Variants in MAP3K10 observed in about 807,000 individuals in gnomAD.
MAP3K10 encodes MKN28 derived nonreceptor_type serine/threonine kinase.
In MAP3K10, 22 loss-of-function variants were observed where a neutral mutation model predicts 75.0. That is an observed-to-expected ratio of 0.29 (90% CI 0.21 to 0.42). The LOEUF is 0.42. MAP3K10 is among the 10% of genes least tolerant of loss of function. MAP3K10 has a pLI of 1.00. For synonymous variants in MAP3K10, 599 were observed against 612.9 expected, an observed-to-expected ratio of 0.98 and a Z score of 0.34; for missense variants, 1,165 against 1,379.8, an observed-to-expected ratio of 0.84 and a Z score of 2.47.
intron 5 of MAP3K10, among the ~76,000 whole-genome samples, chr19:40,208,732 C>T (rs1973181427): frequency 6.6e-6 from 1 of 151,620 alleles, no homozygotes; most frequent in African/African-American, 2.4e-5. Flanking sequence ...CTCCAATTCC[C>T]CCATTGCACA....
chr19:40,205,656 G>T lies in MAP3K10; in HGVS notation c.1189-255G>T, dbSNP rs545840247. 2 of 517,076 alleles carry T rather than the reference G, an allele frequency of 3.9e-6. No homozygotes were observed. Among genetic ancestry groups the T allele is most frequent in the Admixed American group, 7.3e-5 (2 of 27,580 alleles). 32.0% of individuals were successfully genotyped at this position (517,076 alleles called of 1,614,324 possible). A position where few individuals can be genotyped will look rare whatever the true frequency, so the allele number is the denominator to read the frequency against. On this transcript the variant is annotated intron_variant, in intron 4 of 9. Coordinates refer to ENST00000253055, the MANE Select transcript of MAP3K10 (RefSeq NM_002446.4). This position sits in a 1 kb window ranked among gnomAD's most constrained non-coding sequence, Gnocchi z 4.3. ...GGGGTGCACTGTTCTCTGCTTTTGT[G>T]GATGTTTGAAGTTTTCTAAATTGAA...
rs1973084157 is a variant in MAP3K10, at chr19:40,204,705, C to T, written c.1012+72C>T. The T allele has an allele frequency of 2.0e-6, 3 of 1,538,254 alleles. No homozygotes were observed. The highest frequency in any genetic ancestry group is 2.6e-6 in the Non-Finnish European group (3 of 1,133,672). Reference sequence around the variant, plus strand: ...GGGACCTGTGGGCCCAGACCTTTCCCCTTCACACCTATCCATACCAGTGGG... The same window carrying T: ...GGGACCTGTGGGCCCAGACCTTTCCTCTTCACACCTATCCATACCAGTGGG... On this transcript the variant is annotated intron_variant, in intron 3 of 9. Coordinates refer to ENST00000253055, the MANE Select transcript of MAP3K10 (RefSeq NM_002446.4). This position sits in a 1 kb window ranked among gnomAD's most constrained non-coding sequence, Gnocchi z 4.3.
chr19:40,194,080 G>C (rs541853563), intron 1 of MAP3K10, among the ~76,000 whole-genome samples: 15 of 152,300 alleles, frequency 9.8e-5, no homozygotes, highest in Non-Finnish European at 4.4e-5. Flanking sequence ...AGAGAGCTTG[G>C]CTGGGCGCGG....
chr19:40,210,837 T>C (rs972784875), intron 6 of MAP3K10, among the ~76,000 whole-genome samples: 1 of 152,204 alleles, frequency 6.6e-6, no homozygotes, highest in African/African-American at 2.4e-5. Flanking sequence ...CAAAAAGAGC[T>C]AACTCTCTTT....
chr19:40,211,431 A>G (rs1445399455), intron 6 of MAP3K10, among the ~76,000 whole-genome samples: 1 of 149,954 alleles, frequency 6.7e-6, no homozygotes, highest in Non-Finnish European at 1.5e-5. Flanking sequence ...TTTGTTACAT[A>G]GGTAAACGTG....
In MAP3K10 at chr19:40,214,028, C is replaced by T. The variant is rs1568495479; in HGVS notation, c.2349C>T (p.Pro783=). ...CCCCACCACCCTCCCCGCCCGCGCC[C>T]ACACCCACGCCCTCGCCCAGCACCA... ...APSPPPSPPA[P]TPTPSPSTNP... Residue 783 remains proline, a synonymous_variant, in exon 9 of 10, where the codon CCC becomes CCT. Coordinates refer to ENST00000253055, the MANE Select transcript of MAP3K10 (RefSeq NM_002446.4). The T allele has an allele frequency of 6.6e-7, 1 of 1,525,622 alleles. No individual in the cohort carries two copies. The allele number at this position is 1,525,622 out of a possible 1,614,324, so 94.5% of individuals were successfully genotyped here. A position where few individuals can be genotyped will look rare whatever the true frequency, so the allele number is the denominator to read the frequency against.
intron 2 of MAP3K10, among the ~76,000 whole-genome samples, chr19:40,199,061 TGTCTCCAAAAAAAGAAAAA>T (rs1177004078): frequency 6.6e-6 from 1 of 152,030 alleles, no homozygotes; most frequent in Non-Finnish European, 1.5e-5. Flanking sequence ...AGCGAGACTC[TGTCTCCAAAAAAAGAAAAA>T]ATTTAAAAAA....
At chr19:40,211,948 C>T (rs542038042) in intron 6 of MAP3K10, among the ~76,000 whole-genome samples, 1 of 152,328 alleles carries the variant, frequency 6.6e-6, no homozygotes, top group Admixed American at 6.5e-5. Flanking sequence ...TGGTCTCCAA[C>T]TCCTGACCTC....
At position 40,215,162 on chromosome 19, in the gene MAP3K10, C is replaced by T. The variant is rs1178835552; in HGVS notation, c.2735C>T (p.Pro912Leu). 4 of 1,606,686 alleles carry T rather than the reference C, an allele frequency of 2.5e-6. No individual in the cohort carries two copies. Among genetic ancestry groups the T allele is most frequent in the Non-Finnish European group, 3.4e-6 (4 of 1,177,404 alleles). ...TTCGGCCGGACACTCACCATCTCGCCTCCCAGCAGGCCAGACACTCCGGAG... is the reference window on the plus strand; with the variant it reads ...TTCGGCCGGACACTCACCATCTCGCTTCCCAGCAGGCCAGACACTCCGGAG... ...VSFGRTLTIS[P>L]PSRPDTPESP... is the part of the protein sequence containing the mutation. The change falls in exon 10 of 10, where the codon CCT (proline) becomes CTT (leucine). Residue 912 changes from proline (P) to leucine (L), a missense_variant. Physicochemically the swap from Pro to Leu is moderately conservative, Grantham distance 98. Around this residue, in one of 2 missense-constraint regions of MAP3K10, gnomAD observed 590 missense variants for 586.6 expected, o/e 1.01. Coordinates refer to ENST00000253055, the MANE Select transcript of MAP3K10 (RefSeq NM_002446.4).
In MAP3K10 at chr19:40,214,181, G is replaced by A; in HGVS notation, c.2502G>A (p.Leu834=). Residue 834 remains leucine (L), a synonymous_variant, in exon 9 of 10, where the codon CTG becomes CTA. Coordinates refer to ENST00000253055, the MANE Select transcript of MAP3K10 (RefSeq NM_002446.4). ...GGCGGACGCCATCGGACGGGGCGCT[G>A]GGGCAGCGGGGGCCGCCCGAGCCCG... ...GHRRTPSDGA[L]GQRGPPEPAG... is the part of the protein sequence containing the mutation. The A allele has an allele frequency of 6.8e-7, 1 of 1,462,346 alleles. No homozygotes were observed. Among genetic ancestry groups the A allele is most frequent in the South Asian group, 1.4e-5 (1 of 73,212 alleles). 90.6% of individuals were successfully genotyped at this position (1,462,346 alleles called of 1,614,324 possible).
In MAP3K10 at chr19:40,191,467, C is replaced by CG. The variant is rs1972808981; in HGVS notation, c.-559dup. Reference sequence around the variant, plus strand: ...CGGTGGCCCGGGGAAGCAGCACGGGCGGGGGGCAGGGGCTGGGGCCGACCG... The same window carrying CG: ...CGGTGGCCCGGGGAAGCAGCACGGGCGGGGGGGCAGGGGCTGGGGCCGACCG... On this transcript the variant is annotated 5_prime_UTR_variant, in exon 1 of 10. Coordinates refer to ENST00000253055, the MANE Select transcript of MAP3K10 (RefSeq NM_002446.4). Among the ~76,000 whole-genome samples, 4 of 150,644 alleles carry CG rather than the reference C, an allele frequency of 2.7e-5. No homozygotes were observed. Among genetic ancestry groups the CG allele is most frequent in the African/African-American group, 7.3e-5 (3 of 41,192 alleles).
At chr19:40,194,864 TGATGGATA>T (rs1972877699) in intron 1 of MAP3K10, among the ~76,000 whole-genome samples, 2 of 152,306 alleles carry the variant, frequency 1.3e-5, no homozygotes, top group South Asian at 4.1e-4. Flanking sequence ...CAGGAATAAA[TGATGGATA>T]GATGGATACC....
At position 40,205,955 on chromosome 19, in the gene MAP3K10, G is replaced by A. The variant is rs1485628393; in HGVS notation, c.1233G>A (p.Glu411=). The A allele has an allele frequency of 4.4e-6, 7 of 1,604,390 alleles. No individual in the cohort carries two copies. Among genetic ancestry groups the A allele is most frequent in the Middle Eastern group, 1.6e-4 (1 of 6,062 alleles). The part of the protein sequence containing the change: ...REEELLRAAQ[E]QRFQEEQLRR... ...AGGAGCTGCTGCGGGCGGCACAGGA[G>A]CAGCGCTTCCAGGAGGAGCAGCTGC... The change falls in exon 5 of 10, where the codon GAG becomes GAA. Residue 411 remains glutamate (E), a synonymous_variant. Coordinates refer to ENST00000253055, the MANE Select transcript of MAP3K10 (RefSeq NM_002446.4). The surrounding 1 kb of genome is among the most constrained non-coding windows in gnomAD (Gnocchi z 4.3).
chr19:40,213,072 G>A lies in MAP3K10; in HGVS notation c.1725-4G>A, dbSNP rs200074113. 424 of 1,604,946 alleles carry A rather than the reference G, an allele frequency of 2.6e-4. No homozygotes were observed. The East Asian group carries it at 3.0e-3, about 11-fold the overall frequency. On this transcript the variant is annotated splice_polypyrimidine_tract_variant and splice_region_variant and intron_variant, in intron 7 of 9. Transcript: ENST00000253055. The surrounding 1 kb of genome is among the most constrained non-coding windows in gnomAD (Gnocchi z 5.7). ...AGGTCTCCATCTCTCCCTGGACCCC[G>A]CAGGCTGAAGGGGCTGGGGGAAGGA... is the stretch of plus-strand genomic sequence containing the variant.
chr19:40,203,275 G>A (rs2145082127), intron 2 of MAP3K10, among the ~76,000 whole-genome samples: 1 of 152,178 alleles, frequency 6.6e-6, no homozygotes, highest in East Asian at 1.9e-4. Context: ...AGAGGCGGAG[G>A]TTGCAGGGAG....
In MAP3K10 at chr19:40,199,477, G is replaced by T. The variant is rs138414536; in HGVS notation, c.863+922G>T. Among the ~76,000 whole-genome samples the T allele has an allele frequency of 1.0e-3, 157 of 152,248 alleles. 1 individual carries two copies. The highest frequency in any genetic ancestry group is 3.6e-3 in the African/African-American group (148 of 41,552). ...TGATACTTCATCTGAGTTCCAAGTGGCAAAAAGGAACCAGTCACGAAAAGT... is the reference window on the plus strand; with the variant it reads ...TGATACTTCATCTGAGTTCCAAGTGTCAAAAAGGAACCAGTCACGAAAAGT... On this transcript the variant is annotated intron_variant, in intron 2 of 9. Transcript: ENST00000253055.
At position 40,207,604 on chromosome 19, in the gene MAP3K10, G is replaced by T. The variant is rs574241317; in HGVS notation, c.1435+1447G>T. Among the ~76,000 whole-genome samples the T allele has an allele frequency of 3.4e-3, 524 of 151,978 alleles. 3 individuals are homozygous for T. The highest frequency in any genetic ancestry group is 0.012 in the African/African-American group (481 of 41,434). On this transcript the variant is annotated intron_variant, in intron 5 of 9. Coordinates refer to ENST00000253055, the MANE Select transcript of MAP3K10 (RefSeq NM_002446.4). ...TACAAAATTAGCCGGGCGTGGTGGC[G>T]CATGCCTGTAATCCCAGCTACTCAG...
At chr19:40,210,851 T>A (rs1973226117) in intron 6 of MAP3K10, among the ~76,000 whole-genome samples, 1 of 152,178 alleles carries the variant, frequency 6.6e-6, no homozygotes, top group Non-Finnish European at 1.5e-5. Flanking sequence ...TCTCTTTTTG[T>A]TCTGTCTGGG....
Position 40,192,696 on chromosome 19 carries a change from A to T in MAP3K10, c.665A>T (p.Asp222Val). ...GCCCCTGTGCCCATCATCCACCGGG[A>T]CCTCAAGTCCATCAACAGTAAGTGG... ...NDAPVPIIHR[D>V]LKSINILILE... Residue 222 changes from aspartate (D) to valine (V), a missense_variant, in exon 1 of 10, where the codon GAC becomes GTC. Physicochemically the swap from Asp to Val is radical, Grantham distance 152 (BLOSUM62 -3). Transcript: ENST00000253055. The surrounding 1 kb of genome is among the most constrained non-coding windows in gnomAD (Gnocchi z 7.1). The T allele has an allele frequency of 6.5e-7, 1 of 1,541,070 alleles. No homozygotes were observed. The highest frequency in any genetic ancestry group is 8.7e-7 in the Non-Finnish European group (1 of 1,143,176).
Sources: allele counts gnomAD v4.1 joint callset (sites outside exome capture counted in the v4.1 genomes callset), GRCh38; gene constraint gnomAD v4.1.1; regional missense constraint gnomAD v4.1.1; non-coding constraint Gnocchi (gnomAD v3.1); transcripts MANE v1.5; gene names NCBI Gene and HGNC (gene_info 2026-07-23, HGNC 2026-07-21).